Variants in EGFR observed in about 807,000 individuals in gnomAD.
EGFR encodes epidermal growth factor receptor.
Under a neutral mutation model 143.0 loss-of-function variants are expected in EGFR, and 58 were observed. The observed-to-expected ratio is 0.41, with a 90% confidence interval of 0.33 to 0.50. EGFR has a LOEUF of 0.50. Ranked by LOEUF, EGFR falls within the 20% of genes least tolerant of loss-of-function variation. The pLI, the probability that EGFR is intolerant of heterozygous loss-of-function variation, is 0.39. For synonymous variants in EGFR, 613 were observed against 594.4 expected (o/e 1.03, Z -0.45); for missense variants, 1,307 against 1,579.0 (o/e 0.83, Z 2.92).
intron 15 of EGFR, chr7:55,170,637 T>C: frequency 6.2e-7 from 1 of 1,600,472 alleles, no homozygotes; most frequent in African/African-American, 1.3e-5. Flanking sequence ...CCTACCCATT[T>C]CCTTCCTTCC....
chr7:55,186,787 A>G (rs555279335), intron 20 of EGFR, among the ~76,000 whole-genome samples: 1 of 152,352 alleles, frequency 6.6e-6, no homozygotes, highest in South Asian at 2.1e-4. Context: ...AAGTTTGCCA[A>G]CAAATACAGA....
chr7:55,130,801 C>A (rs971187040), intron 1 of EGFR, among the ~76,000 whole-genome samples: 2 of 152,226 alleles, frequency 1.3e-5, no homozygotes, highest in Non-Finnish European at 2.9e-5. Context: ...GTATGTGCCC[C>A]GCACAGGATC....
chr7:55,065,295 G>A (rs1010843975), intron 1 of EGFR, among the ~76,000 whole-genome samples: 3 of 152,198 alleles, frequency 2.0e-5, no homozygotes, highest in African/African-American at 4.8e-5. Flanking sequence ...GGTGGACGAG[G>A]AGTAAGCTTT....
rs1440180346 is a variant in EGFR at position 55,208,070 on chromosome 7, A to T, written c.*2453A>T. On this transcript the variant is annotated 3_prime_UTR_variant, in exon 28 of 28. Coordinates refer to ENST00000275493, the MANE Select transcript of EGFR (RefSeq NM_005228.5). ...GTTTGAAACAGTAACTTAATAAAAG[A>T]GCAAAAGCTATTCTAGCTTTCTTCT... 2 of 152,222 alleles carry T rather than the reference A, an allele frequency of 1.3e-5. No individual in the cohort carries two copies. Among genetic ancestry groups the T allele is most frequent in the African/African-American group, 4.8e-5 (2 of 41,458 alleles). The allele number at this position is 152,222 out of a possible 1,614,324, so 9.4% of individuals were successfully genotyped here.
intron 10 of EGFR, among the ~76,000 whole-genome samples, chr7:55,157,147 G>A (rs538706480): frequency 6.6e-6 from 1 of 152,320 alleles, no homozygotes; most frequent in African/African-American, 2.4e-5. Flanking sequence ...AGGCAGCCTG[G>A]GCCTCAGGCT....
In EGFR at chr7:55,201,794, C is replaced by T. The variant is rs1787861198; in HGVS notation, c.3162+12C>T. On this transcript the variant is annotated intron_variant, in intron 26 of 27. Coordinates refer to ENST00000275493, the MANE Select transcript of EGFR (RefSeq NM_005228.5). The stretch of plus-strand genomic sequence containing the variant: ...TTGATAGAAATGGGGTATGTATGAA[C>T]ACCTTATAAGCCAGAATTTACAGCT... The T allele has an allele frequency of 6.2e-7, 1 of 1,614,098 alleles. No individual in the cohort carries two copies. Among genetic ancestry groups the T allele is most frequent in the Non-Finnish European group, 8.5e-7 (1 of 1,179,954 alleles).
chr7:55,143,402 A>T lies in EGFR; in HGVS notation c.338A>T (p.Tyr113Phe), dbSNP rs1385682568. 6.2e-7 allele frequency: 1 copy of T among 1,614,248 alleles called. No individual in the cohort carries two copies. The highest frequency in any genetic ancestry group is 8.5e-7 in the Non-Finnish European group (1 of 1,180,042). The change falls in exon 3 of 28, where the codon TAC becomes TTC. Residue 113 changes from tyrosine to phenylalanine, a missense_variant. Physicochemically the swap from Tyr to Phe is conservative, Grantham distance 22 (BLOSUM62 3). Coordinates refer to ENST00000275493, the MANE Select transcript of EGFR (RefSeq NM_005228.5). ...CAGATCATCAGAGGAAATATGTACT[A>T]CGAAAATTCCTATGCCTTAGCAGTC... ...NLQIIRGNMY[Y>F]ENSYALAVLS...
chr7:55,071,720 G>A (rs972691326), intron 1 of EGFR, among the ~76,000 whole-genome samples: 2 of 152,222 alleles, frequency 1.3e-5, no homozygotes, highest in African/African-American at 4.8e-5. Context: ...CTAATAATAT[G>A]TTAGAGATTT....
chr7:55,056,989 A>C (rs1163116754), intron 1 of EGFR, among the ~76,000 whole-genome samples: 1 of 152,212 alleles, frequency 6.6e-6, no homozygotes, highest in Non-Finnish European at 1.5e-5. Context: ...CAGAGCAGAG[A>C]GTCAGAATCC....
chr7:55,053,295 C>T (rs1400134201), intron 1 of EGFR, among the ~76,000 whole-genome samples: 2 of 152,170 alleles, frequency 1.3e-5, no homozygotes, highest in Admixed American at 6.5e-5. Flanking sequence ...GAGATGTCCT[C>T]GACCTCTGGA....
rs1341499584 is a variant in EGFR, at chr7:55,206,090, T to C, written c.*473T>C. ...AAGCCACAAGTCTTCCAGAGGATGC[T>C]TGATTCCAGTGGTTCTGCTTCAAGG... On this transcript the variant is annotated 3_prime_UTR_variant, in exon 28 of 28. Coordinates refer to ENST00000275493, the MANE Select transcript of EGFR (RefSeq NM_005228.5). 5 of 327,198 alleles carry C rather than the reference T, an allele frequency of 1.5e-5. No individual in the cohort carries two copies. The highest frequency in any genetic ancestry group is 2.3e-5 in the Non-Finnish European group (4 of 177,018). The allele number at this position is 327,198 out of a possible 1,614,324, so 20.3% of individuals were successfully genotyped here. A position where few individuals can be genotyped will look rare whatever the true frequency, so the allele number is the denominator to read the frequency against.
intron 25 of EGFR, 86 bp downstream of exon 25, chr7:55,201,441 G>A (rs2128971998): frequency 6.4e-7 from 1 of 1,574,040 alleles, no homozygotes; most frequent in Non-Finnish European, 8.7e-7. Flanking sequence ...ACCATCTAGT[G>A]AAACTCACAT....
At position 55,165,301 on chromosome 7, in the gene EGFR, T is replaced by C. The variant is rs1306429085; in HGVS notation, c.1744T>C (p.Cys582Arg). Residue 582 changes from cysteine to arginine, a missense_variant, in exon 15 of 28, where the codon TGT becomes CGT. Coordinates refer to ENST00000275493, the MANE Select transcript of EGFR (RefSeq NM_005228.5). ...TGRGPDNCIQ[C>R]AHYIDGPHCV... ...GCAGGGACCAGACAACTGTATCCAG[T>C]GTGCCCACTACATTGACGGCCCCCA... is the stretch of plus-strand genomic sequence containing the variant. 1 of 1,614,184 alleles carries C rather than the reference T, an allele frequency of 6.2e-7. No homozygotes were observed. The highest frequency in any genetic ancestry group is 1.7e-5 in the Admixed American group (1 of 60,028).
intron 1 of EGFR, among the ~76,000 whole-genome samples, chr7:55,037,686 A>G (rs1787671842): frequency 1.3e-5 from 2 of 152,238 alleles, no homozygotes; most frequent in South Asian, 4.1e-4. Flanking sequence ...TTGACATCAA[A>G]AATCGGTTAC....
intron 15 of EGFR, 52 bp downstream of exon 15, chr7:55,165,489 G>A (rs753963529): frequency 5.7e-6 from 9 of 1,566,984 alleles, no homozygotes; most frequent in Middle Eastern, 3.7e-4. Context: ...CAAATTCAGA[G>A]ATCAAAAATG....
intron 26 of EGFR, 106 bp from the exon 27 acceptor site, chr7:55,202,411 C>CTACTAATCTG: frequency 1.0e-6 from 1 of 979,862 alleles, no homozygotes; most frequent in Admixed American, 2.0e-5. Context: ...GCCTGCCCAA[C>CTACTAATCTG]CTACTAATCA....
rs558289146 is a variant in EGFR at position 55,100,164 on chromosome 7, C to T, written c.89-42122C>T. ...TGCCTTTCAGCACGCATCCTTTCTA[C>T]GATGCCTGACAGTGCCCAGGGAATG... On this transcript the variant is annotated intron_variant, in intron 1 of 27. Coordinates refer to ENST00000275493, the MANE Select transcript of EGFR (RefSeq NM_005228.5). Among the ~76,000 whole-genome samples the T allele has an allele frequency of 3.3e-5, 5 of 152,352 alleles. 1 individual carries two copies. The South Asian group carries it at 8.3e-4, about 25-fold the overall frequency.
chr7:55,059,909 G>T (rs1004804990), intron 1 of EGFR, among the ~76,000 whole-genome samples: 2 of 151,988 alleles, frequency 1.3e-5, no homozygotes, highest in Non-Finnish European at 2.9e-5. Context: ...CCAGATAAGG[G>T]CTGGGTGGAA....
intron 6 of EGFR, 62 bp downstream of exon 6, chr7:55,152,726 C>T: frequency 7.0e-7 from 1 of 1,422,774 alleles, no homozygotes; most frequent in Admixed American, 1.7e-5. Flanking sequence ...CCCACCCACA[C>T]CAGGACAGAA....
Sources: gnomAD v4.1 joint callset for allele counts (sites outside exome capture counted in the v4.1 genomes callset) on GRCh38, gnomAD v4.1.1 for gene constraint, MANE v1.5 for transcripts, NCBI Gene and HGNC (gene_info 2026-07-23, HGNC 2026-07-21) for gene names.